The following PLCXD2 variants were observed in gnomAD, a reference collection of about 807,000 sequenced individuals.
PLCXD2 encodes PI-PLC X domain-containing protein 2.
Under a neutral mutation model 28.6 loss-of-function variants are expected in PLCXD2, and 21 were observed. The ratio of observed to expected loss-of-function variants is 0.73; its 90% confidence interval spans 0.52 to 1.06. The LOEUF (loss-of-function observed/expected upper bound fraction) is 1.06, where lower values mean the gene tolerates loss of function less well. Among genes scored for constraint, PLCXD2 ranks in the 50% least tolerant of loss-of-function variants. PLCXD2 has a pLI of 0.00. For missense variants in PLCXD2, 369 were observed against 376.7 expected, an observed-to-expected ratio of 0.98 and a Z score of 0.17; for synonymous variants, 140 against 150.1, an observed-to-expected ratio of 0.93 and a Z score of 0.49.
chr3:111,720,697 T>C (rs930611493), intron 3 of PLCXD2, 26 bp from the exon 4 acceptor site: 13 of 416,634 alleles, frequency 3.1e-5, no homozygotes, highest in African/African-American at 2.5e-4. Context: ...ATCCACTCTC[T>C]TCCTCCAACA....
intron 1 of PLCXD2, among the ~76,000 whole-genome samples, chr3:111,694,982 G>A (rs908333462): frequency 2.0e-5 from 3 of 152,120 alleles, no homozygotes; most frequent in African/African-American, 4.8e-5. Context: ...TAAACCTCAG[G>A]AATATATTCA....
At chr3:111,704,969 C>T (rs2107859668) in intron 1 of PLCXD2, among the ~76,000 whole-genome samples, 1 of 152,186 alleles carries the variant, frequency 6.6e-6, no homozygotes, top group Non-Finnish European at 1.5e-5. Context: ...TGCACCACCA[C>T]ACCTGGCTAA....
At position 111,695,266 on chromosome 3, in the gene PLCXD2, G is replaced by A. The variant is rs564201275; in HGVS notation, c.164-12660G>A. 6.6e-5 allele frequency among the ~76,000 whole-genome samples: 10 copies of A among 151,626 alleles called. No individual in the cohort carries two copies. The East Asian group carries it at 1.9e-3, about 29-fold the overall frequency. On this transcript the variant is annotated intron_variant, in intron 1 of 4. Coordinates refer to ENST00000477665, the MANE Select transcript of PLCXD2 (RefSeq NM_001185106.1). Reference sequence around the variant, plus strand: ...AATCAAATCATAAAATCTTCTTACAGTAGTCTCTTTTTATCTGCAAGTGGT... The same window carrying A: ...AATCAAATCATAAAATCTTCTTACAATAGTCTCTTTTTATCTGCAAGTGGT...
chr3:111,696,339 T>A (rs561752198), intron 1 of PLCXD2, among the ~76,000 whole-genome samples: 3 of 152,336 alleles, frequency 2.0e-5, no homozygotes, highest in African/African-American at 7.2e-5. Context: ...CAAAGGGTTT[T>A]TTTTGGTCTT....
At chr3:111,718,065 C>T (rs1363614886) in intron 3 of PLCXD2, among the ~76,000 whole-genome samples, 1 of 151,988 alleles carries the variant, frequency 6.6e-6, no homozygotes, top group African/African-American at 2.4e-5. Context: ...TGTTTAATTC[C>T]CCAAAAATCT....
chr3:111,704,580 A>G (rs1235832695), intron 1 of PLCXD2, among the ~76,000 whole-genome samples: 2 of 152,200 alleles, frequency 1.3e-5, no homozygotes, highest in African/African-American at 4.8e-5. Flanking sequence ...AGTTGACAGT[A>G]ATAATTGCAC....
intron 3 of PLCXD2, chr3:111,726,974 A>G (rs764734097): frequency 6.6e-5 from 10 of 152,244 alleles, no homozygotes; most frequent in Non-Finnish European, 1.0e-4. Context: ...CTCAGTGTCA[A>G]TAAAACATCT....
Position 111,675,169 on chromosome 3 carries a change from G to T in PLCXD2, c.-77G>T. The T allele has an allele frequency of 1.3e-6, 2 of 1,527,588 alleles. No individual in the cohort carries two copies. Among genetic ancestry groups the T allele is most frequent in the Non-Finnish European group, 8.9e-7 (1 of 1,128,150 alleles). 94.6% of individuals were successfully genotyped at this position (1,527,588 alleles called of 1,614,324 possible). ...GGCGTGGCAAGCGTCGCCCTGAAAC[G>T]TCCACAGAGCCCAAGAAGTGATGAT... On this transcript the variant is annotated 5_prime_UTR_variant, in exon 1 of 5. Transcript: ENST00000477665.
At chr3:111,716,888 GAC>G (rs1041483022) in intron 3 of PLCXD2, among the ~76,000 whole-genome samples, 12 of 152,094 alleles carry the variant, frequency 7.9e-5, no homozygotes, top group African/African-American at 2.9e-4. Context: ...AGGAAATTTA[GAC>G]ACACAAAGAG....
intron 2 of PLCXD2, among the ~76,000 whole-genome samples, chr3:111,713,580 T>C (rs1941229899): frequency 6.6e-6 from 1 of 152,252 alleles, no homozygotes; most frequent in African/African-American, 2.4e-5. Context: ...ATCATAGATT[T>C]TCTTTGTAAT....
At chr3:111,702,442 G>T (rs1941056823) in intron 1 of PLCXD2, among the ~76,000 whole-genome samples, 2 of 152,150 alleles carry the variant, frequency 1.3e-5, no homozygotes, top group African/African-American at 2.4e-5. Context: ...GGAAAGAGAA[G>T]ACAATCGTGT....
intron 3 of PLCXD2, chr3:111,720,978 GAAGT>G (rs1225829219): frequency 2.4e-5 from 10 of 408,518 alleles, no homozygotes; most frequent in Non-Finnish European, 3.5e-5. Flanking sequence ...CAGTGATGAT[GAAGT>G]AAGAGGAAGA....
intron 1 of PLCXD2, among the ~76,000 whole-genome samples, chr3:111,695,195 T>C (rs530636795): frequency 6.7e-6 from 1 of 149,740 alleles, no homozygotes; most frequent in African/African-American, 2.4e-5. Flanking sequence ...TGTTGAAACA[T>C]TTTTAATAGA....
At chr3:111,681,993 C>T (rs544002524) in intron 1 of PLCXD2, among the ~76,000 whole-genome samples, 56 of 152,328 alleles carry the variant, frequency 3.7e-4, no homozygotes, top group African/African-American at 1.3e-3. Context: ...AGTTTCAAAC[C>T]AGGCCTGCAG....
At chr3:111,684,932 A>C (rs1444451844) in intron 1 of PLCXD2, among the ~76,000 whole-genome samples, 1 of 152,160 alleles carries the variant, frequency 6.6e-6, no homozygotes, top group East Asian at 1.9e-4. Flanking sequence ...TGGAGGGCAA[A>C]AGAGAAGGTG....
intron 1 of PLCXD2, among the ~76,000 whole-genome samples, chr3:111,705,774 C>T (rs1941110144): frequency 1.3e-5 from 2 of 151,832 alleles, no homozygotes; most frequent in Non-Finnish European, 2.9e-5. Context: ...TGGAGCATTG[C>T]TTCCTATGTT....
intron 2 of PLCXD2, among the ~76,000 whole-genome samples, chr3:111,710,681 C>T (rs1367964439): frequency 1.3e-5 from 2 of 152,178 alleles, no homozygotes; most frequent in African/African-American, 2.4e-5. Flanking sequence ...TAATGAAATA[C>T]TTTGCTTTTA....
intron 1 of PLCXD2, among the ~76,000 whole-genome samples, chr3:111,681,595 C>T (rs1940715799): frequency 6.6e-6 from 1 of 152,294 alleles, no homozygotes; most frequent in Admixed American, 6.5e-5. Flanking sequence ...CATTACCCAA[C>T]ACACACACAT....
intron 3 of PLCXD2, chr3:111,723,015 G>C (rs1054401881): frequency 6.6e-6 from 1 of 152,102 alleles, no homozygotes. Flanking sequence ...GTGTTCCCTC[G>C]TTTTCTAAAC....
Sources: allele counts gnomAD v4.1 joint callset (sites outside exome capture counted in the v4.1 genomes callset), GRCh38; gene constraint gnomAD v4.1.1; transcripts MANE v1.5; gene names NCBI Gene and HGNC (gene_info 2026-07-23, HGNC 2026-07-21).